Variants in KCNK9 observed in about 807,000 individuals in gnomAD.
The protein encoded by KCNK9 is potassium two pore domain channel subfamily K member 9.
A neutral mutation model predicts 10.8 loss-of-function variants in KCNK9; 1 was observed. The observed-to-expected ratio is 0.09, with a 90% confidence interval of 0.03 to 0.44. The LOEUF (loss-of-function observed/expected upper bound fraction) is 0.44, where lower values mean the gene tolerates loss of function less well. KCNK9 is among the 20% of genes least tolerant of loss of function. The pLI, the probability that KCNK9 is intolerant of heterozygous loss-of-function variation, is 0.97. For missense variants in KCNK9, 303 were observed against 515.0 expected (o/e 0.59, Z 3.98); for synonymous variants, 231 against 222.7 (o/e 1.04, Z -0.33).
At chr8:139,670,782 T>C (rs1296587624) in intron 1 of KCNK9, among the ~76,000 whole-genome samples, 1 of 152,232 alleles carries the variant, frequency 6.6e-6, no homozygotes, top group Non-Finnish European at 1.5e-5. Context: ...AATAATTATG[T>C]ATTATTGATG....
chr8:139,609,111 A>ATCCCGCCCCC (rs1554617333), downstream of KCNK9, among the ~76,000 whole-genome samples: 1 of 67,234 alleles, frequency 1.5e-5, no homozygotes, highest in East Asian at 5.4e-4. Context: ...ATCCCACCCC[A>ATCCCGCCCCC]CCCCGCCCCG....
chr8:139,619,243 G>A (rs553686950), intron 1 of KCNK9, 144 bp from the exon 2 acceptor site: 14 of 898,528 alleles, frequency 1.6e-5, no homozygotes, highest in South Asian at 6.4e-5. Context: ...GTAGAGGGGC[G>A]TGGCCATATA....
At chr8:139,685,369 G>T (rs897151851) in intron 1 of KCNK9, among the ~76,000 whole-genome samples, 2 of 152,122 alleles carry the variant, frequency 1.3e-5, no homozygotes, top group African/African-American at 4.8e-5. Flanking sequence ...TGCCATGTTG[G>T]TTTGCTGCAC....
chr8:139,606,415 G>T (rs963082084), intron 2 of KCNK9, among the ~76,000 whole-genome samples: 1 of 152,052 alleles, frequency 6.6e-6, no homozygotes, highest in African/African-American at 2.4e-5. Flanking sequence ...ACAGATATCC[G>T]GTCAATGCAC....
chr8:139,688,193 G>A (rs1294677796), intron 1 of KCNK9, among the ~76,000 whole-genome samples: 1 of 152,134 alleles, frequency 6.6e-6, no homozygotes, highest in Admixed American at 6.5e-5. Context: ...GCAAAATAAT[G>A]GTTTACTTGC....
chr8:139,658,112 C>A (rs1816066045), intron 1 of KCNK9, among the ~76,000 whole-genome samples: 2 of 152,212 alleles, frequency 1.3e-5, no homozygotes, highest in Non-Finnish European at 2.9e-5. Flanking sequence ...CAAATCAGGG[C>A]AAAGACCCTT....
chr8:139,655,843 A>C (rs578259358), intron 1 of KCNK9, among the ~76,000 whole-genome samples: 7 of 152,284 alleles, frequency 4.6e-5, no homozygotes, highest in Admixed American at 4.6e-4. Flanking sequence ...GACAGGATTC[A>C]AGAGAGAACT....
At chr8:139,616,444 C>T (rs945929984), downstream of KCNK9, 18 of 152,210 alleles carry the variant, frequency 1.2e-4, no homozygotes, top group African/African-American at 3.1e-4. Context: ...CAGACTCCTT[C>T]GAAGGCCCTG....
In KCNK9 at chr8:139,618,899, C is replaced by T; in HGVS notation, c.484G>A (p.Val162Met). The change falls in exon 2 of 2, where the codon GTG becomes ATG. Residue 162 changes from valine (V) to methionine (M), a missense_variant. Physicochemically the swap from Val to Met is conservative, Grantham distance 21 (BLOSUM62 1). This residue lies in a region of KCNK9 where 53 missense variants were observed against 134.9 expected (regional missense o/e 0.39). Coordinates refer to ENST00000520439, the MANE Select transcript of KCNK9 (RefSeq NM_001282534.2). The surrounding 1 kb of genome is among the most constrained non-coding windows in gnomAD (Gnocchi z 7.9). The stretch of plus-strand genomic sequence containing the variant: ...GTCCCCATGCAGGAGAAGAAGCCCA[C>T]AGTCACCATGTTCTCCATAGACACG... ...TDVSMENMVT[V>M]GFFSCMGTLC... 6.2e-7 allele frequency: 1 copy of T among 1,614,252 alleles called. No homozygotes were observed. Among genetic ancestry groups the T allele is most frequent in the South Asian group, 1.1e-5 (1 of 91,090 alleles).
At chr8:139,614,645 G>A (rs1421784523), downstream of KCNK9, among the ~76,000 whole-genome samples, 3 of 152,170 alleles carry the variant, frequency 2.0e-5, no homozygotes, top group Non-Finnish European at 4.4e-5. Context: ...ACCCAGAGGG[G>A]TTGGTTCAGT....
At chr8:139,601,426 C>A (rs1817367715) in exon 3 of KCNK9, 1 of 152,148 alleles carries the variant, frequency 6.6e-6, no homozygotes, top group South Asian at 2.1e-4. Context: ...CAGCCACCAG[C>A]TCTAGACACA....
Position 139,702,295 on chromosome 8 carries a change from A to G in KCNK9, c.283+415T>C, listed in dbSNP as rs553756867. 1.9e-4 allele frequency among the ~76,000 whole-genome samples: 29 copies of G among 152,310 alleles called. No individual in the cohort carries two copies. Among genetic ancestry groups the G allele is most frequent in the African/African-American group, 6.7e-4 (28 of 41,584 alleles). ...CTCTAGGAGCCATGGGTGCCAGGCC[A>G]GCCCTCTCCAACTCCCAGAGAGGTA... On this transcript the variant is annotated intron_variant, in intron 1 of 1. Transcript: ENST00000520439. The surrounding 1 kb of genome is among the most constrained non-coding windows in gnomAD (Gnocchi z 7.5).
chr8:139,626,617 G>T (rs1243586407), intron 1 of KCNK9, among the ~76,000 whole-genome samples: 1 of 152,162 alleles, frequency 6.6e-6, no homozygotes, highest in Non-Finnish European at 1.5e-5. Context: ...GCTATTCCAG[G>T]AGCTGGAGCG....
chr8:139,681,016 C>T (rs1012145219), intron 1 of KCNK9, among the ~76,000 whole-genome samples: 5 of 152,192 alleles, frequency 3.3e-5, no homozygotes, highest in Non-Finnish European at 4.4e-5. Flanking sequence ...TTCGTGTCTG[C>T]TCTTTTTGCC....
Position 139,618,154 on chromosome 8 carries a change from A to G in KCNK9, c.*104T>C. 1 of 1,435,288 alleles carries G rather than the reference A, an allele frequency of 7.0e-7. No individual in the cohort carries two copies. Among genetic ancestry groups the G allele is most frequent in the Non-Finnish European group, 9.6e-7 (1 of 1,040,170 alleles). The allele number at this position is 1,435,288 out of a possible 1,614,324, so 88.9% of individuals were successfully genotyped here. ...GGAGGAAGGAGAGAAAGTAATAATG[A>G]TGACAATAATAATAATAAATAAATA... On this transcript the variant is annotated 3_prime_UTR_variant, in exon 2 of 2. Transcript: ENST00000520439. This position sits in a 1 kb window ranked among gnomAD's most constrained non-coding sequence, Gnocchi z 7.9.
At chr8:139,699,409 A>G (rs1817143534) in intron 1 of KCNK9, among the ~76,000 whole-genome samples, 1 of 151,758 alleles carries the variant, frequency 6.6e-6, no homozygotes. Flanking sequence ...TTCCACCAAC[A>G]GGTGGTGGGG....
intron 2 of KCNK9, among the ~76,000 whole-genome samples, chr8:139,606,298 G>A (rs115775520): frequency 0.016 from 2,448 of 152,096 alleles, 50 homozygotes; most frequent in African/African-American, 0.055. Context: ...GCAGGCCTCC[G>A]GTAGCATCTT....
chr8:139,624,081 C>A (rs1409539279), intron 1 of KCNK9, among the ~76,000 whole-genome samples: 1 of 152,234 alleles, frequency 6.6e-6, no homozygotes, highest in African/African-American at 2.4e-5. Context: ...CAGAGCCCCA[C>A]CAACTGAGGA....
At chr8:139,630,767 G>A (rs971465721) in intron 1 of KCNK9, among the ~76,000 whole-genome samples, 1 of 152,248 alleles carries the variant, frequency 6.6e-6, no homozygotes, top group East Asian at 1.9e-4. Flanking sequence ...GCAGGAGGCC[G>A]ACAGCAGGGT....
Sources: allele counts gnomAD v4.1 joint callset (sites outside exome capture counted in the v4.1 genomes callset), GRCh38; gene constraint gnomAD v4.1.1; regional missense constraint gnomAD v4.1.1; non-coding constraint Gnocchi (gnomAD v3.1); transcripts MANE v1.5; gene names NCBI Gene and HGNC (gene_info 2026-07-23, HGNC 2026-07-21).